POLL: variants seen among roughly 807,000 people sequenced by gnomAD.
POLL encodes DNA polymerase lambda.
A neutral mutation model predicts 58.1 loss-of-function variants in POLL; 44 were observed. The ratio of observed to expected loss-of-function variants is 0.76; its 90% CI spans 0.60 to 0.97. The LOEUF is 0.97. POLL is among the 50% of genes least tolerant of loss of function. The pLI is 0.00. For missense variants in POLL, 632 were observed against 736.8 expected (o/e 0.86, Z 1.65); for synonymous variants, 290 against 283.2 (o/e 1.02, Z -0.24).
chr10:101,584,669 C>G lies in POLL; in HGVS notation c.824G>C (p.Arg275Thr), dbSNP rs1307378200. 2 of 1,613,408 alleles carry G rather than the reference C, an allele frequency of 1.2e-6. No individual in the cohort carries two copies. Among genetic ancestry groups the G allele is most frequent in the Admixed American group, 3.3e-5 (2 of 59,956 alleles). Reference sequence around the variant, plus strand: ...GATGGCCTTGGCATAGCCCAGGGCCCTCCACTTGTCTCCCTGAACACTGTA... The same window carrying G: ...GATGGCCTTGGCATAGCCCAGGGCCGTCCACTTGTCTCCCTGAACACTGTA... ...KAYSVQGDKW[R>T]ALGYAKAINA... is the part of the protein sequence containing the mutation. The change falls in exon 5 of 9, where the codon AGG (arginine) becomes ACG (threonine). Residue 275 changes from arginine to threonine, a missense_variant. Coordinates refer to ENST00000370162, the MANE Select transcript of POLL (RefSeq NM_001174084.2).
chr10:101,580,373 A>G lies in POLL; in HGVS notation c.1238T>C (p.Val413Ala). The change falls in exon 8 of 9, where the codon GTG becomes GCG. Residue 413 changes from valine to alanine, a missense_variant. By Grantham distance (64) the Val-to-Ala change is moderately conservative. Coordinates refer to ENST00000370162, the MANE Select transcript of POLL (RefSeq NM_001174084.2). This position sits in a 1 kb window ranked among gnomAD's most constrained non-coding sequence, Gnocchi z 4.1. ...TCCCCGTCGGTATGAACCACATGCC[A>G]CACACAGCAGCCCAGAGTTAAAGGC... Reference protein sequence around the residue: ...AQAFNSGLLCVACGSYRRGKA... With the variant: ...AQAFNSGLLCAACGSYRRGKA... 2 of 1,614,038 alleles carry G rather than the reference A, an allele frequency of 1.2e-6. No individual in the cohort carries two copies. Among genetic ancestry groups the G allele is most frequent in the South Asian group, 2.2e-5 (2 of 91,082 alleles).
At position 101,580,060 on chromosome 10, in the gene POLL, G is replaced by A; in HGVS notation, c.1363+188C>T. 3 of 675,888 alleles carry A rather than the reference G, an allele frequency of 4.4e-6. No individual in the cohort carries two copies. The highest frequency in any genetic ancestry group is 7.4e-6 in the Non-Finnish European group (3 of 405,392). The allele number at this position is 675,888 out of a possible 1,614,324, so 41.9% of individuals were successfully genotyped here. On this transcript the variant is annotated intron_variant, in intron 8 of 8. Transcript: ENST00000370162. The surrounding 1 kb of genome is among the most constrained non-coding windows in gnomAD (Gnocchi z 4.1). ...GGGTTCACTGAGCACCTCCACATAG[G>A]TGTGGCGGGGCTGTTCCATCTCTCC...
Position 101,580,142 on chromosome 10 carries a change from C to T in POLL, c.1363+106G>A. Reference sequence around the variant, plus strand: ...GGGATGCTGGCAAAGCACTGTTCCCCTGCTTCCTGCCTCAGGACTGGAACT... The same window carrying T: ...GGGATGCTGGCAAAGCACTGTTCCCTTGCTTCCTGCCTCAGGACTGGAACT... On this transcript the variant is annotated intron_variant, in intron 8 of 8. Transcript: ENST00000370162. This position sits in a 1 kb window ranked among gnomAD's most constrained non-coding sequence, Gnocchi z 4.1. 1 of 1,015,628 alleles carries T rather than the reference C, an allele frequency of 9.8e-7. No homozygotes were observed. The highest frequency in any genetic ancestry group is 1.5e-6 in the Non-Finnish European group (1 of 678,786). 62.9% of individuals were successfully genotyped at this position (1,015,628 alleles called of 1,614,324 possible).
In POLL at chr10:101,583,615, C is replaced by G. The variant is rs565324718; in HGVS notation, c.958G>C (p.Gly320Arg). 1.2e-6 allele frequency: 2 copies of G among 1,614,172 alleles called. No homozygotes were observed. Among genetic ancestry groups the G allele is most frequent in the Non-Finnish European group, 1.7e-6 (2 of 1,180,038 alleles). ...AEKIIEILES[G>R]HLRKLDHISE... ...ATATGGTCCAGCTTCCGCAAATGCC[C>G]GCTCTCCAGGATCTCTATGATTTTC... is the stretch of plus-strand genomic sequence containing the variant. Residue 320 changes from glycine to arginine, a missense_variant, in exon 6 of 9, where the codon GGG (glycine) becomes CGG (arginine). By Grantham distance (125) the Gly-to-Arg change is moderately radical. Coordinates refer to ENST00000370162, the MANE Select transcript of POLL (RefSeq NM_001174084.2).
chr10:101,585,502 T>A lies in POLL; in HGVS notation c.411-24A>T. On this transcript the variant is annotated intron_variant, in intron 3 of 8. Transcript: ENST00000370162. ...ACCTGTGGGGATGGTGATGGGAGGT[T>A]AAGACACCAAAGGTCTCACCCTGTA... 2.0e-6 allele frequency: 3 copies of A among 1,500,370 alleles called. No individual in the cohort carries two copies. The South Asian group carries it at 4.2e-5, about 21-fold the overall frequency. The allele number at this position is 1,500,370 out of a possible 1,614,324, so 92.9% of individuals were successfully genotyped here.
chr10:101,587,161 A>T, intron 2 of POLL, 85 bp downstream of exon 2: 1 of 1,611,384 alleles, frequency 6.2e-7, no homozygotes, highest in Non-Finnish European at 8.5e-7. Context: ...CCAATATCTG[A>T]TTCTGGACAT....
chr10:101,585,015 T>A, intron 4 of POLL, 96 bp from the exon 5 acceptor site: 1 of 822,794 alleles, frequency 1.2e-6, no homozygotes, highest in Non-Finnish European at 1.8e-6. Context: ...GGGGGGAGGG[T>A]CTTCTAGTCA....
rs1383173543 is a variant in POLL at position 101,587,412 on chromosome 10, C to G, written c.-46-6G>C. 1.9e-6 allele frequency: 3 copies of G among 1,605,704 alleles called. No homozygotes were observed. Among genetic ancestry groups the G allele is most frequent in the Non-Finnish European group, 2.6e-6 (3 of 1,175,898 alleles). On this transcript the variant is annotated splice_region_variant and splice_polypyrimidine_tract_variant and intron_variant, in intron 1 of 8. Transcript: ENST00000370162. ...TGGAGCGTTGGTCAGGGCTGCTGCA[C>G]GTGGAAATCCAGAATTGAGGCCCTC...
At chr10:101,587,455 G>A in intron 1 of POLL, 49 bp from the exon 2 acceptor site, 2 of 1,575,632 alleles carry the variant, frequency 1.3e-6, no homozygotes, top group Admixed American at 1.7e-5. Flanking sequence ...TTTGCCTATG[G>A]AGGTAGGGTC....
In POLL at chr10:101,583,490, G is replaced by A. The variant is rs1446119556; in HGVS notation, c.1065+18C>T. 2.5e-6 allele frequency: 4 copies of A among 1,611,552 alleles called. No individual in the cohort carries two copies. The highest frequency in any genetic ancestry group is 4.5e-5 in the East Asian group (2 of 44,880). On this transcript the variant is annotated intron_variant, in intron 6 of 8. Transcript: ENST00000370162. ...GAGACACAGCAAAACTGAAGTAGGG[G>A]CTGAGCCAGGGTGTGACCTGTTGGT...
Position 101,580,179 on chromosome 10 carries a change from C to T in POLL, c.1363+69G>A. The stretch of plus-strand genomic sequence containing the variant: ...TCAGGACTGGAACTTCTGAGGTTCT[C>T]CCTCTGAGGGGGCCCCCAGACCTGT... On this transcript the variant is annotated intron_variant, in intron 8 of 8. Coordinates refer to ENST00000370162, the MANE Select transcript of POLL (RefSeq NM_001174084.2). This position sits in a 1 kb window ranked among gnomAD's most constrained non-coding sequence, Gnocchi z 4.1. 2.2e-6 allele frequency: 3 copies of T among 1,356,650 alleles called. No individual in the cohort carries two copies. Among genetic ancestry groups the T allele is most frequent in the East Asian group, 4.6e-5 (2 of 43,344 alleles). 84.0% of individuals were successfully genotyped at this position (1,356,650 alleles called of 1,614,324 possible).
At chr10:101,581,787 T>C (rs1353767060) in intron 7 of POLL, 1 of 152,156 alleles carries the variant, frequency 6.6e-6, no homozygotes, top group Non-Finnish European at 1.5e-5. Context: ...CTACGCCTAA[T>C]TAAAGCCTAA....
Position 101,584,748 on chromosome 10 carries a change from C to T in POLL, c.745G>A (p.Ala249Thr), listed in dbSNP as rs1232540988. The T allele has an allele frequency of 6.2e-7, 1 of 1,613,972 alleles. No homozygotes were observed. Among genetic ancestry groups the T allele is most frequent in the African/African-American group, 1.3e-5 (1 of 74,920 alleles). ...WVCAQPSSQK[A>T]TNHNLHITEK... is the part of the protein sequence containing the mutation. The stretch of plus-strand genomic sequence containing the variant: ...GTGATATGGAGGTTGTGATTGGTCG[C>T]CTTCTGGCTTGAGGGCTGTGCACAG... Residue 249 changes from alanine to threonine, a missense_variant, in exon 5 of 9, where the codon GCG (alanine) becomes ACG (threonine). By Grantham distance (58) the Ala-to-Thr change is moderately conservative (BLOSUM62 0). Transcript: ENST00000370162.
At position 101,586,175 on chromosome 10, in the gene POLL, G is replaced by C; in HGVS notation, c.116-19C>G. 1 of 1,588,846 alleles carries C rather than the reference G, an allele frequency of 6.3e-7. No individual in the cohort carries two copies. Among genetic ancestry groups the C allele is most frequent in the Admixed American group, 1.7e-5 (1 of 58,170 alleles). ...AGCCACTCTGTGGAAGGAACATCCAGATGACTACTGTTGTAACTTTTTAAT... is the reference window on the plus strand; with the variant it reads ...AGCCACTCTGTGGAAGGAACATCCACATGACTACTGTTGTAACTTTTTAAT... On this transcript the variant is annotated intron_variant, in intron 2 of 8. Coordinates refer to ENST00000370162, the MANE Select transcript of POLL (RefSeq NM_001174084.2).
Position 101,585,876 on chromosome 10 carries a change from G to T in POLL, c.396C>A (p.Ile132=). ...GATCAGCCCACCTACTGGGGATGAAGATGCTGAATCCAGCTACATCCACCA... is the reference window on the plus strand; with the variant it reads ...GATCAGCCCACCTACTGGGGATGAATATGCTGAATCCAGCTACATCCACCA... ...RRLVDVAGFS[I]FIPSRYLDHP... Residue 132 remains isoleucine, a synonymous_variant, in exon 3 of 9, where the codon ATC becomes ATA. Transcript: ENST00000370162. 1.9e-6 allele frequency: 3 copies of T among 1,579,498 alleles called. No individual in the cohort carries two copies. Among genetic ancestry groups the T allele is most frequent in the Non-Finnish European group, 2.6e-6 (3 of 1,155,422 alleles).
chr10:101,585,398 G>A lies in POLL; in HGVS notation c.491C>T (p.Thr164Ile), dbSNP rs1181251647. Residue 164 changes from threonine to isoleucine, a missense_variant, in exon 4 of 9, where the codon ACA becomes ATA. Physicochemically the swap from Thr to Ile is moderately conservative, Grantham distance 89. Transcript: ENST00000370162. Reference protein sequence around the residue: ...PPGTHEALLQTALSPPPPPTR... With the variant: ...PPGTHEALLQIALSPPPPPTR... ...GGGAGGAGGAGGAGGAGAAAGGGCT[G>A]TCTGAAGCAGGGCCTCATGGGTGCC... 6.2e-7 allele frequency: 1 copy of A among 1,608,980 alleles called. No individual in the cohort carries two copies. The highest frequency in any genetic ancestry group is 1.7e-5 in the Admixed American group (1 of 59,286).
chr10:101,588,267 G>A, upstream of POLL: 2 of 1,565,500 alleles, frequency 1.3e-6, no homozygotes, highest in South Asian at 1.2e-5. Context: ...TAGCTTCCGA[G>A]TCAGCCGGAA....
In POLL at chr10:101,579,392, C is replaced by T. The variant is rs1044293438; in HGVS notation, c.*61G>A. ...CAGCCAGCTGAGGCTGGAGGGAGTA[C>T]TGGGTGGCCAGGAGGGGTAGCCAGT... On this transcript the variant is annotated 3_prime_UTR_variant, in exon 9 of 9. Transcript: ENST00000370162. This position sits in a 1 kb window ranked among gnomAD's most constrained non-coding sequence, Gnocchi z 4.4. 1 of 1,530,792 alleles carries T rather than the reference C, an allele frequency of 6.5e-7. No individual in the cohort carries two copies. Among genetic ancestry groups the T allele is most frequent in the Non-Finnish European group, 8.7e-7 (1 of 1,144,470 alleles). The allele number at this position is 1,530,792 out of a possible 1,614,324, so 94.8% of individuals were successfully genotyped here.
Position 101,580,252 on chromosome 10 carries a change from C to G in POLL, c.1359G>C (p.Gln453His), listed in dbSNP as rs763652986. 1.2e-6 allele frequency: 2 copies of G among 1,613,132 alleles called. No homozygotes were observed. Residue 453 changes from glutamine to histidine, a missense_variant, in exon 8 of 9, where the codon CAG becomes CAC. Physicochemically the swap from Gln to His is conservative, Grantham distance 24. Transcript: ENST00000370162. The surrounding 1 kb of genome is among the most constrained non-coding windows in gnomAD (Gnocchi z 4.1). ...ACCCAGAGATGGAGCTTATACCTTC[C>G]TGCCGAAGACTGTCAAGGAGGCGGC... ...IFSRLLDSLR[Q>H]EGFLTDDLVS...
Sources: gnomAD v4.1 joint callset for allele counts on GRCh38, gnomAD v4.1.1 for gene constraint, Gnocchi (gnomAD v3.1) non-coding constraint, MANE v1.5 for transcripts, NCBI Gene and HGNC (gene_info 2026-07-23, HGNC 2026-07-21) for gene names.